DTNBP1: variants seen among roughly 807,000 people sequenced by gnomAD.
DTNBP1 encodes the protein dystrobrevin binding protein 1.
In DTNBP1, 35 loss-of-function variants were observed where a neutral mutation model predicts 42.8. The ratio of observed to expected loss-of-function variants is 0.82; its 90% CI spans 0.63 to 1.09. DTNBP1 has a LOEUF of 1.09. Among genes scored for constraint, DTNBP1 ranks in the 50% least tolerant of loss-of-function variants. The pLI is 0.00. For synonymous variants in DTNBP1, 171 were observed against 162.2 expected, an observed-to-expected ratio of 1.05 and a Z score of -0.41; for missense variants, 457 against 424.2, an observed-to-expected ratio of 1.08 and a Z score of -0.68.
intron 6 of DTNBP1, among the ~76,000 whole-genome samples, chr6:15,609,824 C>G (rs906412655): frequency 2.0e-5 from 3 of 152,198 alleles, no homozygotes; most frequent in Non-Finnish European, 2.9e-5. Context: ...GGCTCAGCAT[C>G]AGAGGGTGGT....
intron 5 of DTNBP1, among the ~76,000 whole-genome samples, chr6:15,618,465 A>G (rs900602395): frequency 4.0e-5 from 6 of 151,774 alleles, no homozygotes; most frequent in Admixed American, 1.3e-4. Flanking sequence ...TACAAGCCCA[A>G]TCTCCTCCAA....
chr6:15,575,305 G>A (rs1036193605), intron 7 of DTNBP1, among the ~76,000 whole-genome samples: 1 of 152,148 alleles, frequency 6.6e-6, no homozygotes, highest in Non-Finnish European at 1.5e-5. Context: ...TATTAATGCT[G>A]AAACAAGACA....
intron 7 of DTNBP1, chr6:15,579,901 A>C (rs889318335): frequency 1.5e-5 from 7 of 452,372 alleles, no homozygotes; most frequent in Non-Finnish European, 3.1e-5. Context: ...TGATTTACTC[A>C]TTACACATTA....
chr6:15,524,576 A>T lies in DTNBP1; in HGVS notation c.761T>A (p.Val254Asp). ...MDISDQEALD[V>D]FLNSGGEENT... ...CTCTTCTCCTCCAGAGTTCAGGAAG[A>T]CGTCCAGGGCCTCCTGGTCCGATAT... The change falls in exon 9 of 10, where the codon GTC (valine) becomes GAC (aspartate). Residue 254 changes from valine to aspartate, a missense_variant. By Grantham distance (152) the Val-to-Asp change is radical (BLOSUM62 -3). Coordinates refer to ENST00000344537, the MANE Select transcript of DTNBP1 (RefSeq NM_032122.5). The T allele has an allele frequency of 6.2e-7, 1 of 1,612,036 alleles. No homozygotes were observed. Among genetic ancestry groups the T allele is most frequent in the Non-Finnish European group, 8.5e-7 (1 of 1,178,918 alleles).
intron 4 of DTNBP1, among the ~76,000 whole-genome samples, chr6:15,630,452 G>C (rs189016019): frequency 1.3e-5 from 2 of 152,276 alleles, no homozygotes; most frequent in Non-Finnish European, 2.9e-5. Context: ...CATGAATCTT[G>C]AAAGTTCAAT....
chr6:15,657,153 A>G (rs147413503), intron 1 of DTNBP1, among the ~76,000 whole-genome samples: 213 of 152,312 alleles, frequency 1.4e-3, no homozygotes, highest in African/African-American at 4.7e-3. Context: ...AATTTAGACT[A>G]TCTACATCCT....
At chr6:15,577,181 G>C (rs767815419) in intron 7 of DTNBP1, among the ~76,000 whole-genome samples, 1 of 152,256 alleles carries the variant, frequency 6.6e-6, no homozygotes, top group Non-Finnish European at 1.5e-5. Context: ...GGGCCTGCTG[G>C]AGGGAGCAAA....
At chr6:15,657,720 G>A (rs1761366425) in intron 1 of DTNBP1, among the ~76,000 whole-genome samples, 1 of 152,188 alleles carries the variant, frequency 6.6e-6, no homozygotes, top group African/African-American at 2.4e-5. Flanking sequence ...TTTGTTCTCT[G>A]CTATATCCCC....
chr6:15,556,133 C>T (rs1774503887), intron 7 of DTNBP1, among the ~76,000 whole-genome samples: 1 of 151,978 alleles, frequency 6.6e-6, no homozygotes, highest in Non-Finnish European at 1.5e-5. Flanking sequence ...GTTAAAATGC[C>T]CAATTTAGCA....
intron 6 of DTNBP1, among the ~76,000 whole-genome samples, chr6:15,601,996 G>T (rs1003051978): frequency 2.0e-5 from 3 of 152,004 alleles, no homozygotes; most frequent in Non-Finnish European, 4.4e-5. Context: ...CATTAGCCGG[G>T]CACAATAATT....
intron 7 of DTNBP1, among the ~76,000 whole-genome samples, chr6:15,591,115 T>TC (rs1404973536): frequency 5.3e-5 from 8 of 151,508 alleles, no homozygotes; most frequent in Non-Finnish European, 1.2e-4. Flanking sequence ...GGGTACTTTT[T>TC]TTTTTTTTTT....
chr6:15,638,999 T>G (rs560515247), intron 3 of DTNBP1, among the ~76,000 whole-genome samples: 6 of 152,174 alleles, frequency 3.9e-5, no homozygotes, highest in African/African-American at 1.2e-4. Flanking sequence ...TGCCCAGCCT[T>G]GGCCAGTACT....
intron 7 of DTNBP1, among the ~76,000 whole-genome samples, chr6:15,570,592 C>T (rs1451033685): frequency 2.0e-5 from 3 of 152,214 alleles, no homozygotes; most frequent in Non-Finnish European, 4.4e-5. Context: ...CCAAACCCCA[C>T]CTTCGTTTTA....
At chr6:15,599,712 A>G (rs192043911) in intron 6 of DTNBP1, among the ~76,000 whole-genome samples, 13 of 152,324 alleles carry the variant, frequency 8.5e-5, no homozygotes, top group Non-Finnish European at 4.4e-5. Context: ...GTGGTTTTCA[A>G]AAATAAGCCT....
chr6:15,643,477 C>T (rs529355755), intron 3 of DTNBP1, among the ~76,000 whole-genome samples: 13 of 151,956 alleles, frequency 8.6e-5, no homozygotes, highest in African/African-American at 2.4e-4. Context: ...ATGACATCCC[C>T]GAGACAAACA....
chr6:15,531,020 G>A (rs1772783020), intron 8 of DTNBP1, among the ~76,000 whole-genome samples: 1 of 152,148 alleles, frequency 6.6e-6, no homozygotes, highest in African/African-American at 2.4e-5. Context: ...GATGGACATG[G>A]CCCCTGTGGT....
At chr6:15,555,925 T>A (rs1376437904) in intron 7 of DTNBP1, among the ~76,000 whole-genome samples, 3 of 152,096 alleles carry the variant, frequency 2.0e-5, no homozygotes, top group Non-Finnish European at 4.4e-5. Context: ...TCCAGTAACA[T>A]CTTCCTGGCA....
intron 7 of DTNBP1, among the ~76,000 whole-genome samples, chr6:15,578,395 T>C (rs1245475159): frequency 6.6e-6 from 1 of 152,226 alleles, no homozygotes; most frequent in Non-Finnish European, 1.5e-5. Flanking sequence ...GAAGGCTTTC[T>C]AGTGAATTGT....
intron 3 of DTNBP1, among the ~76,000 whole-genome samples, chr6:15,639,981 C>CCATT (rs1760249216): frequency 6.6e-6 from 1 of 152,192 alleles, no homozygotes; most frequent in Non-Finnish European, 1.5e-5. Context: ...ATCCACCTTG[C>CCATT]CATTATACAT....
Sources: allele counts gnomAD v4.1 joint callset (sites outside exome capture counted in the v4.1 genomes callset), GRCh38; gene constraint gnomAD v4.1.1; transcripts MANE v1.5; gene names NCBI Gene and HGNC (gene_info 2026-07-23, HGNC 2026-07-21).